SRD5A3: variants seen among roughly 807,000 people sequenced by gnomAD.
SRD5A3 encodes steroid 5 alpha-reductase 3, also known as polyprenal reductase.
Under a neutral mutation model 34.3 loss-of-function variants are expected in SRD5A3, and 24 were observed. That is an observed-to-expected ratio of 0.70 (90% CI 0.51 to 0.99). The LOEUF (loss-of-function observed/expected upper bound fraction) is 0.99. SRD5A3 is among the 50% of genes least tolerant of loss of function. The pLI is 0.00. For missense variants in SRD5A3, 350 were observed against 388.2 expected (o/e 0.90, Z 0.83); for synonymous variants, 161 against 167.3 (o/e 0.96, Z 0.29).
At chr4:55,361,482 CA>C (rs59113946) in intron 2 of SRD5A3, among the ~76,000 whole-genome samples, 27,941 of 101,946 alleles carry the variant, frequency 0.27, 2,906 homozygotes, top group African/African-American at 0.38. Context: ...GACTCCGTCT[CA>C]AAAAAAAAAA....
chr4:55,355,703 A>G (rs1266084754), intron 1 of SRD5A3, among the ~76,000 whole-genome samples: 2 of 152,194 alleles, frequency 1.3e-5, no homozygotes, highest in Non-Finnish European at 2.9e-5. Context: ...CCTAGGTTGC[A>G]TGAAAGCACA....
At chr4:55,350,691 A>G (rs772261458) in intron 1 of SRD5A3, among the ~76,000 whole-genome samples, 4 of 152,168 alleles carry the variant, frequency 2.6e-5, no homozygotes, top group Admixed American at 6.5e-5. Context: ...ACACTGTATA[A>G]CGTAAATCAA....
intron 3 of SRD5A3, among the ~76,000 whole-genome samples, chr4:55,365,437 G>A (rs1719852395): frequency 6.6e-6 from 1 of 152,190 alleles, no homozygotes; most frequent in South Asian, 2.1e-4. Flanking sequence ...GCATCTCTCT[G>A]ATTCCTCTGA....
At chr4:55,353,908 C>T (rs188580739) in intron 1 of SRD5A3, among the ~76,000 whole-genome samples, 15 of 152,308 alleles carry the variant, frequency 9.8e-5, no homozygotes, top group African/African-American at 3.6e-4. Flanking sequence ...TTCTTGAAGT[C>T]AGCAAGACCA....
intron 1 of SRD5A3, among the ~76,000 whole-genome samples, chr4:55,353,794 C>G (rs188905471): frequency 3.9e-5 from 6 of 152,298 alleles, no homozygotes; most frequent in Admixed American, 3.3e-4. Context: ...CACAAACCCA[C>G]TGGAAGGAAG....
At position 55,367,622 on chromosome 4, in the gene SRD5A3, A is replaced by G; in HGVS notation, c.597A>G (p.Ala199=). 1.9e-6 allele frequency: 3 copies of G among 1,614,174 alleles called. No individual in the cohort carries two copies. Among genetic ancestry groups the G allele is most frequent in the Non-Finnish European group, 2.5e-6 (3 of 1,180,036 alleles). ...CAGGGAAAAATCTATTGATGCAAGCACGGTGGTTCCATATTCTTGGGATGA... is the reference window on the plus strand; with the variant it reads ...CAGGGAAAAATCTATTGATGCAAGCGCGGTGGTTCCATATTCTTGGGATGA... ...YITGKNLLMQ[A]RWFHILGMMM... The change falls in exon 4 of 5, where the codon GCA becomes GCG. Residue 199 remains alanine, a synonymous_variant. Transcript: ENST00000264228.
intron 1 of SRD5A3, among the ~76,000 whole-genome samples, chr4:55,355,167 A>G (rs28653645): frequency 0.026 from 3,976 of 152,258 alleles, 48 homozygotes; most frequent in African/African-American, 0.031. Flanking sequence ...TAAAGAATCG[A>G]AAATGTATAG....
chr4:55,355,512 A>T (rs1484477200), intron 1 of SRD5A3, among the ~76,000 whole-genome samples: 1 of 152,156 alleles, frequency 6.6e-6, no homozygotes, highest in African/African-American at 2.4e-5. Flanking sequence ...AAGCAAAACA[A>T]AATGTGGGAA....
At chr4:55,354,028 A>C (rs543771834) in intron 1 of SRD5A3, among the ~76,000 whole-genome samples, 1 of 152,322 alleles carries the variant, frequency 6.6e-6, no homozygotes, top group South Asian at 2.1e-4. Context: ...GAACTCAGTA[A>C]ACATTAATTC....
intron 2 of SRD5A3, among the ~76,000 whole-genome samples, chr4:55,363,014 T>G (rs1250669236): frequency 1.3e-5 from 2 of 151,000 alleles, no homozygotes; most frequent in Non-Finnish European, 3.0e-5. Flanking sequence ...CCTGGCTAAT[T>G]TTTTGTATTT....
At chr4:55,357,809 G>A (rs6850710) in intron 1 of SRD5A3, among the ~76,000 whole-genome samples, 3,228 of 152,238 alleles carry the variant, frequency 0.021, 119 homozygotes, top group African/African-American at 0.074. Flanking sequence ...TGGCCTCAAG[G>A]GATCCTCTCA....
chr4:55,362,174 C>G (rs999921921), intron 2 of SRD5A3, among the ~76,000 whole-genome samples: 2 of 150,998 alleles, frequency 1.3e-5, no homozygotes, highest in African/African-American at 4.9e-5. Flanking sequence ...GTTGCCCAGG[C>G]TGGAGTGCAG....
chr4:55,369,166 A>C (rs1249114576), intron 4 of SRD5A3, among the ~76,000 whole-genome samples: 1 of 152,212 alleles, frequency 6.6e-6, no homozygotes, highest in East Asian at 1.9e-4. Context: ...TTTACAGATG[A>C]GGAAACTAAG....
chr4:55,350,759 A>ATT (rs1560365339), intron 1 of SRD5A3, among the ~76,000 whole-genome samples: 1 of 114,334 alleles, frequency 8.7e-6, no homozygotes, highest in African/African-American at 3.2e-5. Flanking sequence ...ACCATCATTA[A>ATT]ATTTTTTTTT....
At chr4:55,360,288 C>G (rs1719632631) in intron 2 of SRD5A3, among the ~76,000 whole-genome samples, 1 of 151,336 alleles carries the variant, frequency 6.6e-6, no homozygotes, top group Non-Finnish European at 1.5e-5. Context: ...AGGCAGATCA[C>G]TTGAGATCAG....
rs759503199 is a variant in SRD5A3, at chr4:55,359,328, CT to C, written c.222-16del. ...TGGATCTACCCTAATTATTGCCTCG[CT>C]TGTTTTCCTTTTGCAGATATTTTTC... On this transcript the variant is annotated splice_polypyrimidine_tract_variant and intron_variant, in intron 1 of 4. Transcript: ENST00000264228. 5 of 1,613,792 alleles carry C rather than the reference CT, an allele frequency of 3.1e-6. No homozygotes were observed. Among genetic ancestry groups the C allele is most frequent in the Non-Finnish European group, 3.4e-6 (4 of 1,180,006 alleles).
intron 1 of SRD5A3, among the ~76,000 whole-genome samples, chr4:55,357,004 C>A (rs12650678): frequency 0.43 from 64,783 of 151,998 alleles, 15,780 homozygotes; most frequent in East Asian, 0.84. Flanking sequence ...AGTATACACC[C>A]ACCTCATTGC....
At chr4:55,353,717 C>G (rs184406304) in intron 1 of SRD5A3, among the ~76,000 whole-genome samples, 1 of 152,126 alleles carries the variant, frequency 6.6e-6, no homozygotes, top group Non-Finnish European at 1.5e-5. Flanking sequence ...ACTCTGGAGG[C>G]GCCACCTTTA....
intron 3 of SRD5A3, among the ~76,000 whole-genome samples, chr4:55,366,249 G>A (rs1719894144): frequency 6.6e-6 from 1 of 152,134 alleles, no homozygotes; most frequent in African/African-American, 2.4e-5. Context: ...TTAGCATAAG[G>A]GACTTAGTGA....
Sources: gnomAD v4.1 joint callset for allele counts (sites outside exome capture counted in the v4.1 genomes callset) on GRCh38, gnomAD v4.1.1 for gene constraint, MANE v1.5 for transcripts, NCBI Gene and HGNC (gene_info 2026-07-23, HGNC 2026-07-21) for gene names.